The following CHRNA3 variants were observed in gnomAD, a reference collection of about 807,000 sequenced individuals.
CHRNA3 encodes the protein cholinergic receptor nicotinic alpha 3 subunit.
A neutral mutation model predicts 41.9 loss-of-function variants in CHRNA3; 34 were observed. The ratio of observed to expected loss-of-function variants is 0.81; its 90% CI spans 0.62 to 1.08. The LOEUF (loss-of-function observed/expected upper bound fraction) is 1.08. Ranked by LOEUF, CHRNA3 falls within the 50% of genes least tolerant of loss-of-function variation. The probability of loss-of-function intolerance (pLI) is 0.00; values close to 1 mark genes in which losing one functional copy is unlikely to be tolerated. For missense variants in CHRNA3, 542 were observed against 638.3 expected (o/e 0.85, Z 1.63); for synonymous variants, 281 against 265.2 (o/e 1.06, Z -0.58).
At position 78,596,558 on chromosome 15, in the gene CHRNA3, T is replaced by TG. The variant is rs2079521849; in HGVS notation, c.*45dup. ...TTCTTACTAGGAAGCAGCCTCCTCCTGCCCTGACACAAGGAAGTCTCCCAG... is the reference window on the plus strand; with the variant it reads ...TTCTTACTAGGAAGCAGCCTCCTCCTGGCCCTGACACAAGGAAGTCTCCCAG... On this transcript the variant is annotated 3_prime_UTR_variant, in exon 6 of 6. Coordinates refer to ENST00000326828, the MANE Select transcript of CHRNA3 (RefSeq NM_000743.5). The TG allele has an allele frequency of 6.9e-7, 1 of 1,445,042 alleles. No homozygotes were observed. Among genetic ancestry groups the TG allele is most frequent in the Non-Finnish European group, 9.1e-7 (1 of 1,096,432 alleles). The allele number at this position is 1,445,042 out of a possible 1,614,324, so 89.5% of individuals were successfully genotyped here.
rs958589492 is a variant in CHRNA3 at position 78,620,931 on chromosome 15, T to C, written c.-137A>G. ...CGGGCGGAGACGCGCGGGGCTCCTC[T>C]CCGCTTCGCCGCCGCTGGGTTTCCA... On this transcript the variant is annotated 5_prime_UTR_variant, in exon 1 of 6. Coordinates refer to ENST00000326828, the MANE Select transcript of CHRNA3 (RefSeq NM_000743.5). The C allele has an allele frequency of 8.2e-6, 9 of 1,100,062 alleles. No homozygotes were observed. The African/African-American group carries it at 9.9e-5, about 12-fold the overall frequency. 68.1% of individuals were successfully genotyped at this position (1,100,062 alleles called of 1,614,324 possible).
downstream of CHRNA3, chr15:78,593,070 A>G (rs751943214): frequency 2.3e-5 from 37 of 1,595,982 alleles, no homozygotes; most frequent in Non-Finnish European, 1.7e-5. Context: ...TATTTAATGC[A>G]TTTTTATTTT....
At chr15:78,610,036 A>T (rs1486824722) in intron 4 of CHRNA3, among the ~76,000 whole-genome samples, 1 of 152,242 alleles carries the variant, frequency 6.6e-6, no homozygotes, top group Non-Finnish European at 1.5e-5. Context: ...ACTATCCTAA[A>T]TATATAGGCA....
At chr15:78,597,153 G>T (rs991300935) in intron 5 of CHRNA3, among the ~76,000 whole-genome samples, 1 of 152,126 alleles carries the variant, frequency 6.6e-6, no homozygotes, top group Non-Finnish European at 1.5e-5. Context: ...TAAATTTGGC[G>T]CAGTGGCTCA....
intron 5 of CHRNA3, among the ~76,000 whole-genome samples, chr15:78,597,044 T>G (rs1472935904): frequency 6.6e-6 from 1 of 152,222 alleles, no homozygotes; most frequent in Non-Finnish European, 1.5e-5. Flanking sequence ...AACCAGTTAC[T>G]TAGGCTTCCA....
At chr15:78,620,649 C>T (rs2141349138) in intron 1 of CHRNA3, 64 bp downstream of exon 1, 1 of 1,486,412 alleles carries the variant, frequency 6.7e-7, no homozygotes, top group East Asian at 2.9e-5. Context: ...CCGGCAGCCC[C>T]TCCGGACCCC....
intron 4 of CHRNA3, among the ~76,000 whole-genome samples, chr15:78,610,897 C>A (rs1215957309): frequency 2.0e-5 from 3 of 152,098 alleles, no homozygotes; most frequent in Non-Finnish European, 2.9e-5. Context: ...ATATCACCAC[C>A]GATCCCACAG....
chr15:78,593,321 T>C, downstream of CHRNA3: 1 of 1,432,134 alleles, frequency 7.0e-7, no homozygotes, highest in Non-Finnish European at 9.3e-7. Flanking sequence ...TATAAAATTA[T>C]GAAAATGTAA....
chr15:78,603,922 C>A (rs2053244053), intron 4 of CHRNA3, among the ~76,000 whole-genome samples: 1 of 152,140 alleles, frequency 6.6e-6, no homozygotes, highest in Admixed American at 6.5e-5. Context: ...TGAACATCCA[C>A]ACAGTCCCCA....
chr15:78,593,436 A>AACAGTTGGCTGTATG (rs1401441800), downstream of CHRNA3: 4 of 491,594 alleles, frequency 8.1e-6, no homozygotes, highest in African/African-American at 7.9e-5. Context: ...CTGAAGTAAT[A>AACAGTTGGCTGTATG]ACTGATGAGA....
Position 78,602,095 on chromosome 15 carries a change from C to G in CHRNA3, c.547G>C (p.Asp183His). The change falls in exon 5 of 6, where the codon GAT (aspartate) becomes CAT (histidine). Residue 183 changes from aspartate (D) to histidine (H), a missense_variant. Asp to His is a moderately conservative substitution (Grantham distance 81). Coordinates refer to ENST00000326828, the MANE Select transcript of CHRNA3 (RefSeq NM_000743.5). ...AGGACCAGATCGATTTTCGCCTTATCGTAGGACCAGGAACCGAACTTCATG... is the reference window on the plus strand; with the variant it reads ...AGGACCAGATCGATTTTCGCCTTATGGTAGGACCAGGAACCGAACTTCATG... Reference protein sequence around the residue: ...CTMKFGSWSYDKAKIDLVLIG... With the variant: ...CTMKFGSWSYHKAKIDLVLIG... 1 of 1,614,134 alleles carries G rather than the reference C, an allele frequency of 6.2e-7. No individual in the cohort carries two copies. The highest frequency in any genetic ancestry group is 8.5e-7 in the Non-Finnish European group (1 of 1,180,024).
In CHRNA3 at chr15:78,601,398, A is replaced by T; in HGVS notation, c.1244T>A (p.Phe415Tyr). ...AGAGCTTCTCGTGAGGTTAGCACTG[A>T]AATTGGAGATTTTTATCCTGCGGTG... The part of the protein sequence containing the change: ...CHHRRIKISN[F>Y]SANLTRSSSS... Residue 415 changes from phenylalanine to tyrosine, a missense_variant, in exon 5 of 6, where the codon TTC becomes TAC. Phe to Tyr is a conservative substitution (Grantham distance 22). Transcript: ENST00000326828. 1 of 1,614,138 alleles carries T rather than the reference A, an allele frequency of 6.2e-7. No individual in the cohort carries two copies. Among genetic ancestry groups the T allele is most frequent in the Non-Finnish European group, 8.5e-7 (1 of 1,180,024 alleles).
At chr15:78,618,538 T>G (rs1231009537) in intron 3 of CHRNA3, 79 bp downstream of exon 3, 1 of 1,535,578 alleles carries the variant, frequency 6.5e-7, no homozygotes, top group Middle Eastern at 2.1e-4. Flanking sequence ...GCCTGGTCTT[T>G]AGGCCTTTCT....
chr15:78,611,508 C>A (rs146172900), intron 4 of CHRNA3, among the ~76,000 whole-genome samples: 63,058 of 150,580 alleles, frequency 0.42, 13,427 homozygotes, highest in African/African-American at 0.52. Flanking sequence ...AGGCCTTTGA[C>A]AAAATTCAAC....
intron 4 of CHRNA3, 62 bp from the exon 5 acceptor site, chr15:78,602,326 C>G (rs1359783546): frequency 1.3e-6 from 2 of 1,511,602 alleles, no homozygotes; most frequent in Non-Finnish European, 1.8e-6. Context: ...ATATTGTGGT[C>G]ATCTCAACCA....
rs747800632 is a variant in CHRNA3 at position 78,617,034 on chromosome 15, G to C, written c.367C>G (p.Leu123Val). Residue 123 changes from leucine to valine, a missense_variant, in exon 4 of 6, where the codon CTG becomes GTG. Physicochemically the swap from Leu to Val is conservative, Grantham distance 32. Transcript: ENST00000326828. ...AQKIWKPDIV[L>V]YNNAVGDFQV... Reference sequence around the variant, plus strand: ...CCCCCAGCACCTTACTTGTTATACAGCACAATGTCTGGCTTCCAGATCTTC... The same window carrying C: ...CCCCCAGCACCTTACTTGTTATACACCACAATGTCTGGCTTCCAGATCTTC... 1 of 1,612,484 alleles carries C rather than the reference G, an allele frequency of 6.2e-7. No homozygotes were observed. Among genetic ancestry groups the C allele is most frequent in the East Asian group, 2.2e-5 (1 of 44,878 alleles).
intron 4 of CHRNA3, among the ~76,000 whole-genome samples, chr15:78,616,720 G>A (rs947604443): frequency 6.6e-6 from 1 of 151,902 alleles, no homozygotes; most frequent in Admixed American, 6.6e-5. Context: ...TCCCTGTCCT[G>A]AGATCCTACA....
At chr15:78,613,776 CCA>C (rs200722258) in intron 4 of CHRNA3, among the ~76,000 whole-genome samples, 1,675 of 66,100 alleles carry the variant, frequency 0.025, 15 homozygotes, top group Middle Eastern at 0.048. Flanking sequence ...AAAAAAAAAA[CCA>C]AAAAAAACCA....
At chr15:78,616,975 G>C in intron 4 of CHRNA3, 49 bp downstream of exon 4, 1 of 1,376,208 alleles carries the variant, frequency 7.3e-7, no homozygotes, top group African/African-American at 1.4e-5. Context: ...CAAAAACCCA[G>C]AGCCCAGGCT....
Sources: gnomAD v4.1 joint callset for allele counts (sites outside exome capture counted in the v4.1 genomes callset) on GRCh38, gnomAD v4.1.1 for gene constraint, MANE v1.5 for transcripts, NCBI Gene and HGNC (gene_info 2026-07-23, HGNC 2026-07-21) for gene names.